Variants in KLHL2 observed in about 807,000 individuals in gnomAD.
KLHL2 encodes the protein kelch-like protein 2.
In KLHL2, 15 loss-of-function variants were observed where a neutral mutation model predicts 75.8. The ratio of observed to expected loss-of-function variants is 0.20; its 90% confidence interval spans 0.13 to 0.30. The LOEUF is 0.30. Among genes scored for constraint, KLHL2 ranks in the 10% least tolerant of loss-of-function variants. The pLI is 1.00. For synonymous variants in KLHL2, 214 were observed against 251.9 expected (o/e 0.85, Z 1.42); for missense variants, 381 against 741.0 (o/e 0.51, Z 5.64).
chr4:165,281,892 C>T (rs1743722611), intron 5 of KLHL2, among the ~76,000 whole-genome samples: 1 of 152,058 alleles, frequency 6.6e-6, no homozygotes, highest in Non-Finnish European at 1.5e-5. Flanking sequence ...TGCCCTATTG[C>T]AGTTATGGTA....
intron 6 of KLHL2, among the ~76,000 whole-genome samples, chr4:165,295,046 C>T (rs1206956566): frequency 6.6e-6 from 1 of 152,170 alleles, no homozygotes; most frequent in Non-Finnish European, 1.5e-5. Flanking sequence ...TGCCTCCCTC[C>T]CTCTCTGTGC....
chr4:165,251,611 T>G lies in KLHL2; in HGVS notation c.382-11586T>G, dbSNP rs577665439. ...TACGAAACCCAAAGTGGTTTTTTTT[T>G]TTTGTTTTTTTTTTTTGAGACGGAG... On this transcript the variant is annotated intron_variant, in intron 4 of 14. Transcript: ENST00000226725. Among the ~76,000 whole-genome samples, 313 of 140,686 alleles carry G rather than the reference T, an allele frequency of 2.2e-3. 3 individuals are homozygous for G. Among genetic ancestry groups the G allele is most frequent in the Middle Eastern group, 0.011 (3 of 264 alleles). 92.3% of individuals were successfully genotyped at this position (140,686 alleles called of 152,430 possible).
intron 4 of KLHL2, among the ~76,000 whole-genome samples, 196 bp downstream of exon 4, chr4:165,239,095 A>AT (rs1560996947): frequency 6.6e-6 from 1 of 152,156 alleles, no homozygotes; most frequent in African/African-American, 2.4e-5. Context: ...ATTCCTTAAG[A>AT]TCTGAGATAC....
chr4:165,238,954 A>G, intron 4 of KLHL2, 55 bp downstream of exon 4: 1 of 1,560,028 alleles, frequency 6.4e-7, no homozygotes, highest in Non-Finnish European at 8.6e-7. Flanking sequence ...TTTTTTTAAT[A>G]AAAAAAGCAC....
chr4:165,293,030 A>G (rs1468673468), intron 5 of KLHL2, among the ~76,000 whole-genome samples: 1 of 152,162 alleles, frequency 6.6e-6, no homozygotes, highest in Non-Finnish European at 1.5e-5. Flanking sequence ...GAGGAAACCA[A>G]GGCTTAGGGA....
chr4:165,235,743 T>C (rs3932269), intron 3 of KLHL2, among the ~76,000 whole-genome samples: 13,152 of 146,808 alleles, frequency 0.09, 653 homozygotes, highest in African/African-American at 0.11. Flanking sequence ...CATGGGCCAC[T>C]AACAGATAAG....
chr4:165,285,882 C>T (rs1465890968), intron 5 of KLHL2, among the ~76,000 whole-genome samples: 2 of 152,130 alleles, frequency 1.3e-5, no homozygotes, highest in South Asian at 2.1e-4. Context: ...CACGGGAGGT[C>T]CAGCAGGTGT....
In KLHL2 at chr4:165,243,710, T is replaced by C. The variant is rs139945610; in HGVS notation, c.381+4811T>C. Among the ~76,000 whole-genome samples, 956 of 152,328 alleles carry C rather than the reference T, an allele frequency of 6.3e-3. 11 individuals are homozygous for C. The highest frequency in any genetic ancestry group is 0.022 in the African/African-American group (902 of 41,568). On this transcript the variant is annotated intron_variant, in intron 4 of 14. Coordinates refer to ENST00000226725, the MANE Select transcript of KLHL2 (RefSeq NM_007246.4). ...TTGGTGGTATAGGGCAGGTTGTTGT[T>C]GTTTTACTTCAAACCACAACTGCTA... is the stretch of plus-strand genomic sequence containing the variant.
chr4:165,309,987 T>TA (rs1372942565), intron 9 of KLHL2, among the ~76,000 whole-genome samples: 1 of 152,164 alleles, frequency 6.6e-6, no homozygotes, highest in Non-Finnish European at 1.5e-5. Context: ...AATTGATATT[T>TA]AAAAAAACCA....
intron 1 of KLHL2, among the ~76,000 whole-genome samples, chr4:165,215,809 C>T (rs1737496973): frequency 6.6e-6 from 1 of 151,940 alleles, no homozygotes; most frequent in Non-Finnish European, 1.5e-5. Context: ...AAGTTGGTGG[C>T]AGGACATATT....
intron 5 of KLHL2, among the ~76,000 whole-genome samples, chr4:165,264,055 T>C (rs1162796404): frequency 2.0e-5 from 3 of 152,130 alleles, no homozygotes; most frequent in Admixed American, 6.6e-5. Context: ...AGACCCCTCA[T>C]CTCTGCAGTT....
intron 4 of KLHL2, among the ~76,000 whole-genome samples, chr4:165,257,859 G>T (rs1741309481): frequency 6.6e-6 from 1 of 151,830 alleles, no homozygotes. Context: ...AGTAAACATG[G>T]GAACAAATAC....
intron 4 of KLHL2, among the ~76,000 whole-genome samples, chr4:165,249,437 T>G (rs35671406): frequency 1.1e-3 from 161 of 144,602 alleles, no homozygotes; most frequent in East Asian, 2.7e-3. Context: ...GAGCTTCATT[T>G]GGTGAGCAGG....
chr4:165,306,208 T>C (rs1305720308), intron 9 of KLHL2, among the ~76,000 whole-genome samples: 1 of 152,242 alleles, frequency 6.6e-6, no homozygotes, highest in African/African-American at 2.4e-5. Flanking sequence ...TCCTGGGACT[T>C]AAACTTGGAT....
chr4:165,320,164 C>T (rs1048756961), intron 14 of KLHL2, among the ~76,000 whole-genome samples: 2 of 152,148 alleles, frequency 1.3e-5, no homozygotes, highest in East Asian at 1.9e-4. Context: ...CCACCAGGGA[C>T]ATTTATTAGG....
chr4:165,254,485 G>C (rs1339747120), intron 4 of KLHL2, among the ~76,000 whole-genome samples: 1 of 152,044 alleles, frequency 6.6e-6, no homozygotes, highest in Non-Finnish European at 1.5e-5. Context: ...TAATTTTAGG[G>C]TCAAATGTTT....
chr4:165,310,489 A>G (rs1453008850), intron 9 of KLHL2, 64 bp from the exon 10 acceptor site: 10 of 1,339,418 alleles, frequency 7.5e-6, no homozygotes, highest in South Asian at 1.2e-5. Flanking sequence ...TCAGAAAGCA[A>G]TCTTTGGATA....
At chr4:165,228,780 A>C in intron 2 of KLHL2, 27 bp from the exon 3 acceptor site, 2 of 1,500,862 alleles carry the variant, frequency 1.3e-6, no homozygotes, top group Non-Finnish European at 1.8e-6. Context: ...ATATCATTTA[A>C]ATTTTTTCTC....
chr4:165,302,857 C>A (rs1013912290), intron 8 of KLHL2, among the ~76,000 whole-genome samples: 2 of 152,140 alleles, frequency 1.3e-5, no homozygotes, highest in African/African-American at 4.8e-5. Context: ...ATTTGCTTAA[C>A]CTCCTACCCC....
Sources: gnomAD v4.1 joint callset for allele counts (sites outside exome capture counted in the v4.1 genomes callset) on GRCh38, gnomAD v4.1.1 for gene constraint, MANE v1.5 for transcripts, NCBI Gene and HGNC (gene_info 2026-07-23, HGNC 2026-07-21) for gene names.